DPYSL4: variants seen among roughly 807,000 people sequenced by gnomAD.
DPYSL4 encodes dihydropyrimidinase like 4.
Under a neutral mutation model 63.4 loss-of-function variants are expected in DPYSL4, and 43 were observed. That is an observed-to-expected ratio of 0.68 (90% CI 0.53 to 0.88). The LOEUF (loss-of-function observed/expected upper bound fraction) is 0.88, where lower values mean the gene tolerates loss of function less well. Among genes scored for constraint, DPYSL4 ranks in the 40% least tolerant of loss-of-function variants. The probability of loss-of-function intolerance (pLI) is 0.00; values close to 1 mark genes in which losing one functional copy is unlikely to be tolerated. For synonymous variants in DPYSL4, 353 were observed against 331.7 expected (o/e 1.06, Z -0.70); for missense variants, 733 against 819.5 (o/e 0.89, Z 1.29).
At chr10:132,195,494 C>T (rs1366062276) in intron 4 of DPYSL4, among the ~76,000 whole-genome samples, 1 of 152,206 alleles carries the variant, frequency 6.6e-6, no homozygotes, top group Admixed American at 6.5e-5. Flanking sequence ...CTGATTATAG[C>T]CGATCTCTCC....
At chr10:132,195,823 T>C (rs763657418) in intron 4 of DPYSL4, among the ~76,000 whole-genome samples, 7 of 152,160 alleles carry the variant, frequency 4.6e-5, no homozygotes, top group Non-Finnish European at 8.8e-5. Context: ...GTTCTGTGAG[T>C]GGACTCGGGA....
At chr10:132,200,031 C>T (rs937252958) in intron 8 of DPYSL4, among the ~76,000 whole-genome samples, 2 of 152,184 alleles carry the variant, frequency 1.3e-5, no homozygotes, top group African/African-American at 2.4e-5. Flanking sequence ...AGCCGCCATG[C>T]AGTTCACTGT....
rs748831612 is a variant in DPYSL4 at position 132,203,796 on chromosome 10, A to G, written c.1496A>G (p.Tyr499Cys). The G allele has an allele frequency of 6.8e-6, 11 of 1,612,040 alleles. No homozygotes were observed. The highest frequency in any genetic ancestry group is 1.1e-5 in the South Asian group (1 of 91,030). ...ATCCACGGTGTGCCCCGTGGACTGT[A>G]TGACGGGCCCGTCCACGAGGTGATG... ...AEIHGVPRGL[Y>C]DGPVHEVMVP... The change falls in exon 13 of 14, where the codon TAT becomes TGT. Residue 499 changes from tyrosine to cysteine, a missense_variant. Transcript: ENST00000338492.
At chr10:132,199,360 A>G (rs1400578464) in intron 8 of DPYSL4, among the ~76,000 whole-genome samples, 2 of 152,084 alleles carry the variant, frequency 1.3e-5, no homozygotes, top group Non-Finnish European at 2.9e-5. Flanking sequence ...TGCCCACAGA[A>G]TGCCAGCCAG....
chr10:132,203,929 T>G lies in DPYSL4; in HGVS notation c.1627+2T>G. 6.3e-7 allele frequency: 1 copy of G among 1,595,396 alleles called. No individual in the cohort carries two copies. Among genetic ancestry groups the G allele is most frequent in the Non-Finnish European group, 8.6e-7 (1 of 1,166,164 alleles). ...ATCAGTCGGGGTTCAGCCTATCTGG[T>G]GAGTTGGGCCTGGGGCACCAGTGGG... is the stretch of plus-strand genomic sequence containing the variant. On this transcript the variant is annotated splice_donor_variant, in intron 13 of 13. Coordinates refer to ENST00000338492, the MANE Select transcript of DPYSL4 (RefSeq NM_006426.3). LOFTEE classifies it high-confidence loss of function.
At chr10:132,199,304 C>T (rs1486409254) in intron 8 of DPYSL4, among the ~76,000 whole-genome samples, 1 of 152,154 alleles carries the variant, frequency 6.6e-6, no homozygotes, top group Non-Finnish European at 1.5e-5. Flanking sequence ...AACAAGGAGG[C>T]CCTCCCTACA....
At chr10:132,196,659 G>A (rs1444715483) in intron 4 of DPYSL4, among the ~76,000 whole-genome samples, 3 of 152,246 alleles carry the variant, frequency 2.0e-5, no homozygotes, top group African/African-American at 7.2e-5. Context: ...GGGCCTGGAT[G>A]TAGCTGCCTC....
chr10:132,203,846 G>A lies in DPYSL4; in HGVS notation c.1546G>A (p.Ala516Thr), dbSNP rs199767540. The A allele has an allele frequency of 3.2e-5, 52 of 1,613,002 alleles. No homozygotes were observed. The highest frequency in any genetic ancestry group is 1.8e-4 in the East Asian group (8 of 44,864). The change falls in exon 13 of 14, where the codon GCT (alanine) becomes ACT (threonine). Residue 516 changes from alanine (A) to threonine (T), a missense_variant. Transcript: ENST00000338492. ...GGTGCCTGCCAAGCCAGGGAGTGGCGCTCCGGCCCGCGCGTCCTGCCCAGG... is the reference window on the plus strand; with the variant it reads ...GGTGCCTGCCAAGCCAGGGAGTGGCACTCCGGCCCGCGCGTCCTGCCCAGG... ...VMVPAKPGSGAPARASCPGKI... is the reference protein window; with the variant it reads ...VMVPAKPGSGTPARASCPGKI...
chr10:132,200,787 C>T, intron 9 of DPYSL4, 55 bp from the exon 10 acceptor site: 2 of 1,587,748 alleles, frequency 1.3e-6, no homozygotes, highest in Non-Finnish European at 1.7e-6. Flanking sequence ...TGGAGCTGAC[C>T]TGGCCTCTGC....
At chr10:132,202,922 G>A (rs552007628) in intron 12 of DPYSL4, 97 bp downstream of exon 12, 43 of 1,431,398 alleles carry the variant, frequency 3.0e-5, no homozygotes, top group African/African-American at 1.3e-4. Flanking sequence ...CCGGCCTCCC[G>A]AGGGGTCAGG....
chr10:132,203,088 C>T (rs954214952), intron 12 of DPYSL4, among the ~76,000 whole-genome samples: 2 of 152,234 alleles, frequency 1.3e-5, no homozygotes, highest in African/African-American at 2.4e-5. Flanking sequence ...CTGGGTCCCA[C>T]CCAAGTCATC....
rs1427864674 is a variant in DPYSL4, at chr10:132,200,930, G to A, written c.1057G>A (p.Glu353Lys). The change falls in exon 10 of 14, where the codon GAG becomes AAG. Residue 353 changes from glutamate to lysine, a missense_variant. By Grantham distance (56) the Glu-to-Lys change is moderately conservative. Transcript: ENST00000338492. ...VGKDNFALIP[E>K]GTNGIEERMS... ...CAAGGACAACTTCGCGCTGATCCCC[G>A]AGGGCACCAACGGCATTGAGGAGCG... 6 of 1,613,216 alleles carry A rather than the reference G, an allele frequency of 3.7e-6. No individual in the cohort carries two copies. The highest frequency in any genetic ancestry group is 2.2e-5 in the East Asian group (1 of 44,900).
At chr10:132,202,927 G>T in intron 12 of DPYSL4, 102 bp downstream of exon 12, 1 of 1,414,520 alleles carries the variant, frequency 7.1e-7, no homozygotes, top group Non-Finnish European at 9.5e-7. Flanking sequence ...CTCCCGAGGG[G>T]TCAGGAAGAC....
Position 132,198,939 on chromosome 10 carries a change from C to G in DPYSL4, c.779C>G (p.Ala260Gly). Residue 260 changes from alanine to glycine, a missense_variant, in exon 8 of 14, where the codon GCG becomes GGG. By Grantham distance (60) the Ala-to-Gly change is moderately conservative. Transcript: ENST00000338492. ...GTCACCAAGGTGATGAGCAAGGGGG[C>G]GGCCGACGCCATCGCTCAGGCCAAG... ...LYVTKVMSKG[A>G]ADAIAQAKRR... The G allele has an allele frequency of 6.2e-7, 1 of 1,612,690 alleles. No individual in the cohort carries two copies. Among genetic ancestry groups the G allele is most frequent in the Non-Finnish European group, 8.5e-7 (1 of 1,179,862 alleles).
chr10:132,198,816 C>A, intron 7 of DPYSL4, 35 bp from the exon 8 acceptor site: 3 of 1,610,178 alleles, frequency 1.9e-6, no homozygotes, highest in Non-Finnish European at 1.7e-6. Context: ...CCCCAGGGCC[C>A]TCGTGTGGCC....
intron 11 of DPYSL4, among the ~76,000 whole-genome samples, chr10:132,202,369 C>T (rs1462715961): frequency 6.6e-6 from 1 of 152,250 alleles, no homozygotes; most frequent in East Asian, 1.9e-4. Context: ...GTGCCGTGTG[C>T]ACCTGCCTAG....
chr10:132,204,943 G>GCC lies in DPYSL4; in HGVS notation c.*13_*14insCC, dbSNP rs1554968518. Reference sequence around the variant, plus strand: ...CTCTCTCTCCTAGACGCCCAGGACCGGCCCTGTGAGCCGTGCTGGCCCCAC... The same window carrying GCC: ...CTCTCTCTCCTAGACGCCCAGGACCGCCGCCCTGTGAGCCGTGCTGGCCCCAC... On this transcript the variant is annotated 3_prime_UTR_variant, in exon 14 of 14. Transcript: ENST00000338492. 1.1e-4 allele frequency: 179 copies of GCC among 1,602,788 alleles called. No individual in the cohort carries two copies. In the South Asian group the frequency reaches 1.9e-3, roughly 17 times the overall value.
intron 1 of DPYSL4, among the ~76,000 whole-genome samples, chr10:132,187,800 C>G (rs965623239): frequency 6.6e-6 from 1 of 152,228 alleles, no homozygotes; most frequent in Non-Finnish European, 1.5e-5. Flanking sequence ...AACACCCACA[C>G]GCACCGGCGC....
At chr10:132,202,858 T>C (rs1359086045) in intron 12 of DPYSL4, 33 bp downstream of exon 12, 1 of 1,556,324 alleles carries the variant, frequency 6.4e-7, no homozygotes, top group East Asian at 2.3e-5. Context: ...GTTGTGCAGG[T>C]AGGCAGGTGG....
Sources: gnomAD v4.1 joint callset for allele counts (sites outside exome capture counted in the v4.1 genomes callset) on GRCh38, gnomAD v4.1.1 for gene constraint, MANE v1.5 for transcripts, NCBI Gene and HGNC (gene_info 2026-07-23, HGNC 2026-07-21) for gene names.